Variants in ABHD2 observed in about 807,000 individuals in gnomAD.
The protein encoded by ABHD2 is abhydrolase domain containing 2, acylglycerol lipase, also known as monoacylglycerol lipase ABHD2.
A neutral mutation model predicts 48.1 loss-of-function variants in ABHD2; 20 were observed. The ratio of observed to expected loss-of-function variants is 0.42; its 90% CI spans 0.29 to 0.60. ABHD2 has a LOEUF of 0.60. ABHD2 is among the 20% of genes least tolerant of loss of function. The pLI, the probability that ABHD2 is intolerant of heterozygous loss-of-function variation, is 0.24. For synonymous variants in ABHD2, 209 were observed against 214.2 expected, an observed-to-expected ratio of 0.98 and a Z score of 0.21; for missense variants, 405 against 550.9, an observed-to-expected ratio of 0.74 and a Z score of 2.65.
At chr15:89,123,593 C>CTTTTTTTTTTT (rs138910210) in intron 3 of ABHD2, among the ~76,000 whole-genome samples, 23 of 96,674 alleles carry the variant, frequency 2.4e-4, no homozygotes, top group South Asian at 3.7e-4. Flanking sequence ...TTCTTTCTTT[C>CTTTTTTTTTTT]TTTTTTTTTT....
chr15:89,062,279 G>T, the ABHD2 span, among the ~76,000 whole-genome samples: 2 of 152,052 alleles, frequency 1.3e-5, no homozygotes. Context: ...GGAATATAAA[G>T]GTTGTTCGGG....
intron 3 of ABHD2, among the ~76,000 whole-genome samples, chr15:89,127,525 C>T (rs1322618861): frequency 6.6e-6 from 1 of 151,772 alleles, no homozygotes; most frequent in Non-Finnish European, 1.5e-5. Flanking sequence ...TGGCAAGACC[C>T]TGAACTGGTG....
chr15:89,194,073 A>G (rs2051352220), intron 10 of ABHD2, among the ~76,000 whole-genome samples: 2 of 152,244 alleles, frequency 1.3e-5, no homozygotes, highest in Admixed American at 1.3e-4. Flanking sequence ...CCTGGGCAAC[A>G]GAGCAAGATT....
In ABHD2 at chr15:89,155,112, C is replaced by T. The variant is rs1167704574; in HGVS notation, c.371-255C>T. ...TTCATTTCATTTTTCCAGTAATTAA[C>T]TTCTATTGTCTTTTCAAAAGTATCT... is the stretch of plus-strand genomic sequence containing the variant. On this transcript the variant is annotated intron_variant, in intron 4 of 10. Coordinates refer to ENST00000352732, the MANE Select transcript of ABHD2 (RefSeq NM_152924.5). The surrounding 1 kb of genome is among the most constrained non-coding windows in gnomAD (Gnocchi z 4.9). Among the ~76,000 whole-genome samples, 10 of 152,004 alleles carry T rather than the reference C, an allele frequency of 6.6e-5. No individual in the cohort carries two copies. The highest frequency in any genetic ancestry group is 2.4e-4 in the African/African-American group (10 of 41,350).
At chr15:89,089,892 A>G (rs1360339497) in intron 1 of ABHD2, among the ~76,000 whole-genome samples, 1 of 152,158 alleles carries the variant, frequency 6.6e-6, no homozygotes, top group Non-Finnish European at 1.5e-5. Flanking sequence ...GTCAGCACGG[A>G]CTGTGACATT....
At chr15:89,194,255 T>G (rs1451231315) in intron 10 of ABHD2, among the ~76,000 whole-genome samples, 2 of 151,994 alleles carry the variant, frequency 1.3e-5, no homozygotes, top group African/African-American at 4.8e-5. Flanking sequence ...TCCCAGCACT[T>G]TGGGAGGCCG....
chr15:89,149,802 T>G (rs1288716001), intron 3 of ABHD2, among the ~76,000 whole-genome samples: 1 of 152,226 alleles, frequency 6.6e-6, no homozygotes, highest in Admixed American at 6.5e-5. Flanking sequence ...AGGCAAGAAG[T>G]TAAGCGAGTA....
intron 5 of ABHD2, among the ~76,000 whole-genome samples, chr15:89,157,187 A>T (rs1222261102): frequency 2.0e-5 from 3 of 152,242 alleles, no homozygotes; most frequent in African/African-American, 7.2e-5. Flanking sequence ...TTTAAATAAC[A>T]ATGCTGTAAA....
At chr15:89,089,424 T>C (rs1190007007) in intron 1 of ABHD2, among the ~76,000 whole-genome samples, 3 of 152,242 alleles carry the variant, frequency 2.0e-5, no homozygotes, top group Non-Finnish European at 4.4e-5. Context: ...GAGTGGGTGT[T>C]AGCAAAGAGA....
intron 3 of ABHD2, among the ~76,000 whole-genome samples, chr15:89,127,706 C>CATACATAT (rs58331064): frequency 7.7e-6 from 1 of 129,916 alleles, no homozygotes; most frequent in African/African-American, 3.6e-5. Flanking sequence ...TATATATATA[C>CATACATAT]ATATATATAT....
At chr15:89,052,432 G>A in the ABHD2 span, among the ~76,000 whole-genome samples, 1 of 151,948 alleles carries the variant, frequency 6.6e-6, no homozygotes, top group African/African-American at 2.4e-5. Flanking sequence ...TTTCATGGTG[G>A]CCAAAGCAGT....
chr15:89,113,903 G>A (rs929124554), intron 2 of ABHD2, 79 bp downstream of exon 2: 1 of 152,178 alleles, frequency 6.6e-6, no homozygotes, highest in African/African-American at 2.4e-5. Context: ...GGAAGGGAAG[G>A]ACTGACTTGT....
At chr15:89,062,936 A>G in the ABHD2 span, among the ~76,000 whole-genome samples, 4 of 148,706 alleles carry the variant, frequency 2.7e-5, no homozygotes, top group Non-Finnish European at 4.5e-5. Flanking sequence ...TGAGTATGTC[A>G]GGTCTGTTTA....
chr15:89,191,045 C>T (rs1199023130), intron 8 of ABHD2, 35 bp from the exon 9 acceptor site: 1 of 1,603,282 alleles, frequency 6.2e-7, no homozygotes, highest in African/African-American at 1.3e-5. Flanking sequence ...AATGTTTTGT[C>T]CTTTTTCTTT....
intron 3 of ABHD2, among the ~76,000 whole-genome samples, chr15:89,123,916 T>G (rs2050092963): frequency 6.6e-6 from 1 of 152,184 alleles, no homozygotes; most frequent in African/African-American, 2.4e-5. Flanking sequence ...CCCCTAATTA[T>G]TTCTAATAAA....
the ABHD2 span, among the ~76,000 whole-genome samples, chr15:89,048,517 C>T: frequency 7.9e-5 from 12 of 152,254 alleles, 1 homozygote; most frequent in East Asian, 1.4e-3. Context: ...CCATTCTCCC[C>T]GTCACTTTCA....
rs544711538 is a variant in ABHD2, at chr15:89,189,817, C to T, written c.927-1263C>T. ...AAAACAAATTAAATTTCCCATTCAT[C>T]TCCTAAATTTTTTAAGCCCAGAAGA... is the stretch of plus-strand genomic sequence containing the variant. On this transcript the variant is annotated intron_variant, in intron 8 of 10. Transcript: ENST00000352732. This position sits in a 1 kb window ranked among gnomAD's most constrained non-coding sequence, Gnocchi z 4.9. Among the ~76,000 whole-genome samples, 4 of 152,248 alleles carry T rather than the reference C, an allele frequency of 2.6e-5. No individual in the cohort carries two copies. Among genetic ancestry groups the T allele is most frequent in the African/African-American group, 9.6e-5 (4 of 41,530 alleles).
chr15:89,181,665 C>G (rs2051117352), intron 6 of ABHD2, among the ~76,000 whole-genome samples: 1 of 152,182 alleles, frequency 6.6e-6, no homozygotes, highest in African/African-American at 2.4e-5. Flanking sequence ...TTATTTGAGC[C>G]AGGAGATCTG....
At chr15:89,192,510 T>G (rs2150954343) in intron 9 of ABHD2, among the ~76,000 whole-genome samples, 1 of 137,292 alleles carries the variant, frequency 7.3e-6, no homozygotes, top group Middle Eastern at 3.8e-3. Flanking sequence ...TTTTCTTTTC[T>G]TTTTTTTTTT....
Sources: allele counts gnomAD v4.1 joint callset (sites outside exome capture counted in the v4.1 genomes callset), GRCh38; gene constraint gnomAD v4.1.1; non-coding constraint Gnocchi (gnomAD v3.1); transcripts MANE v1.5; gene names NCBI Gene and HGNC (gene_info 2026-07-23, HGNC 2026-07-21).